Variants in SPTBN4 observed in about 807,000 individuals in gnomAD.
SPTBN4 encodes spectrin beta, non-erythrocytic 4, also known as spectrin beta chain, non-erythrocytic 4.
In SPTBN4, 96 loss-of-function variants were observed where a neutral mutation model predicts 277.8. That is an observed-to-expected ratio of 0.35 (90% CI 0.29 to 0.41). The LOEUF (loss-of-function observed/expected upper bound fraction) is 0.41, where lower values mean the gene tolerates loss of function less well. Among genes scored for constraint, SPTBN4 ranks in the 10% least tolerant of loss-of-function variants. The pLI is 1.00. For synonymous variants in SPTBN4, 1,481 were observed against 1,580.3 expected (o/e 0.94, Z 1.49); for missense variants, 3,006 against 3,595.7 (o/e 0.84, Z 4.19).
chr19:40,473,990 A>AT (rs987325965), intron 2 of SPTBN4, among the ~76,000 whole-genome samples: 10 of 146,568 alleles, frequency 6.8e-5, no homozygotes, highest in Non-Finnish European at 1.4e-4. Context: ...AAAAATAAAA[A>AT]TAAAAAAAAA....
chr19:40,525,142 A>T (rs2080575383), intron 17 of SPTBN4, among the ~76,000 whole-genome samples: 1 of 151,930 alleles, frequency 6.6e-6, no homozygotes, highest in Admixed American at 6.6e-5. Context: ...TGCCACCCCC[A>T]GCCCCAGGAC....
chr19:40,504,044 C>A lies in SPTBN4; in HGVS notation c.1577C>A (p.Ala526Asp), dbSNP rs149945999. 1.9e-6 allele frequency: 3 copies of A among 1,612,934 alleles called. No homozygotes were observed. The South Asian group carries it at 3.3e-5, about 18-fold the overall frequency. Residue 526 changes from alanine (A) to aspartate (D), a missense_variant, in exon 12 of 36, where the codon GCC becomes GAC. Around this residue, in one of 5 missense-constraint regions of SPTBN4, gnomAD observed 1,759 missense variants for 2,061.5 expected, o/e 0.85. Transcript: ENST00000598249. ...QWALLTGLVG[A>D]RRTRLEQNLA... Reference sequence around the variant, plus strand: ...GCCCTGCTAACTGGGCTTGTGGGTGCCCGGCGGACACGACTTGAGCAGAAC... The same window carrying A: ...GCCCTGCTAACTGGGCTTGTGGGTGACCGGCGGACACGACTTGAGCAGAAC...
rs201267545 is a variant in SPTBN4, at chr19:40,502,516, G to A, written c.1203+9G>A. The A allele has an allele frequency of 3.9e-5, 63 of 1,605,176 alleles. No homozygotes were observed. Among genetic ancestry groups the A allele is most frequent in the Non-Finnish European group, 4.7e-5 (55 of 1,176,212 alleles). ...TCTGGGATATTGACAAGGTGAGGCCGGGGATGCAGGGGAGAGGCGGGGTTG... is the reference window on the plus strand; with the variant it reads ...TCTGGGATATTGACAAGGTGAGGCCAGGGATGCAGGGGAGAGGCGGGGTTG... On this transcript the variant is annotated intron_variant, in intron 10 of 35. Transcript: ENST00000598249. This position sits in a 1 kb window ranked among gnomAD's most constrained non-coding sequence, Gnocchi z 4.9.
intron 7 of SPTBN4, among the ~76,000 whole-genome samples, chr19:40,499,862 C>T (rs192270417): frequency 3.9e-5 from 6 of 151,948 alleles, no homozygotes; most frequent in Non-Finnish European, 7.4e-5. Context: ...GTGCCTGGTA[C>T]GTAGTAGGTG....
chr19:40,549,059 GA>G, intron 20 of SPTBN4, 129 bp from the exon 21 acceptor site: 1 of 693,756 alleles, frequency 1.4e-6, no homozygotes, highest in African/African-American at 1.9e-5. Context: ...TCCTGGAGGG[GA>G]CTGAACAAGG....
At chr19:40,467,628 G>T (rs556058465) in intron 1 of SPTBN4, among the ~76,000 whole-genome samples, 6 of 151,924 alleles carry the variant, frequency 3.9e-5, no homozygotes, top group Admixed American at 2.0e-4. Context: ...CTTTGCGGGG[G>T]GGGGGGGGTG....
intron 11 of SPTBN4, 134 bp from the exon 12 acceptor site, chr19:40,503,696 G>A: frequency 4.1e-6 from 4 of 967,068 alleles, no homozygotes; most frequent in Non-Finnish European, 5.9e-6. Context: ...GATGAGGCTG[G>A]TCTCCAGGAT....
rs569736148 is a variant in SPTBN4, at chr19:40,502,604, G to T, written c.1203+97G>T. 10 of 1,429,222 alleles carry T rather than the reference G, an allele frequency of 7.0e-6. No individual in the cohort carries two copies. Among genetic ancestry groups the T allele is most frequent in the Non-Finnish European group, 9.5e-6 (10 of 1,054,030 alleles). 88.5% of individuals were successfully genotyped at this position (1,429,222 alleles called of 1,614,324 possible). ...AATCATTCACATTGTAGACATGATG[G>T]ATTAGATATTCATTCTGACAGTTTT... On this transcript the variant is annotated intron_variant, in intron 10 of 35. Coordinates refer to ENST00000598249, the MANE Select transcript of SPTBN4 (RefSeq NM_020971.3). The surrounding 1 kb of genome is among the most constrained non-coding windows in gnomAD (Gnocchi z 4.9).
At chr19:40,528,559 C>G (rs1230572808) in intron 17 of SPTBN4, among the ~76,000 whole-genome samples, 1 of 152,168 alleles carries the variant, frequency 6.6e-6, no homozygotes. Context: ...CCGGACTCCT[C>G]CTGTCACTTT....
intron 13 of SPTBN4, among the ~76,000 whole-genome samples, chr19:40,510,959 G>A (rs1277252051): frequency 8.5e-5 from 13 of 152,184 alleles, no homozygotes; most frequent in Non-Finnish European, 1.6e-4. Flanking sequence ...GGAGGCTGCA[G>A]TGAGCCATGA....
chr19:40,512,809 G>A lies in SPTBN4; in HGVS notation c.2020G>A (p.Gly674Ser). ...ERLLEAAGGG[G>S]AAGAAGAAGT... ...TCTCCTGGAGGCTGCGGGCGGCGGC[G>A]GTGCGGCGGGCGCAGCGGGCGCAGC... is the stretch of plus-strand genomic sequence containing the variant. The change falls in exon 14 of 36, where the codon GGT (glycine) becomes AGT (serine). Residue 674 changes from glycine to serine, a missense_variant. Physicochemically the swap from Gly to Ser is moderately conservative, Grantham distance 56 (BLOSUM62 0). Coordinates refer to ENST00000598249, the MANE Select transcript of SPTBN4 (RefSeq NM_020971.3). 1.4e-6 allele frequency: 2 copies of A among 1,453,044 alleles called. No homozygotes were observed. The highest frequency in any genetic ancestry group is 1.5e-5 in the African/African-American group (1 of 67,044). The allele number at this position is 1,453,044 out of a possible 1,614,324, so 90.0% of individuals were successfully genotyped here. A position where few individuals can be genotyped will look rare whatever the true frequency, so the allele number is the denominator to read the frequency against.
At chr19:40,574,139 C>T (rs1181091240) in intron 35 of SPTBN4, among the ~76,000 whole-genome samples, 1 of 151,442 alleles carries the variant, frequency 6.6e-6, no homozygotes, top group Non-Finnish European at 1.5e-5. Flanking sequence ...CAAAACAAAA[C>T]AAAACAAAAA....
At position 40,519,490 on chromosome 19, in the gene SPTBN4, A is replaced by G. The variant is rs780066183; in HGVS notation, c.2993A>G (p.Glu998Gly). 2 of 1,608,986 alleles carry G rather than the reference A, an allele frequency of 1.2e-6. No individual in the cohort carries two copies. Among genetic ancestry groups the G allele is most frequent in the Non-Finnish European group, 1.7e-6 (2 of 1,178,492 alleles). Residue 998 changes from glutamate to glycine, a missense_variant, in exon 16 of 36, where the codon GAG becomes GGG. Glu to Gly is a moderately conservative substitution (Grantham distance 98). Transcript: ENST00000598249. The surrounding 1 kb of genome is among the most constrained non-coding windows in gnomAD (Gnocchi z 5.7). ...LVENHVLEVA[E>G]VRAQVREKRR... is the part of the protein sequence containing the mutation. ...GAGAACCACGTGCTGGAGGTGGCCG[A>G]GGTGCGCGCCCAGGTGCGTGAGAAG...
chr19:40,563,921 C>T (rs1028035327), intron 27 of SPTBN4, among the ~76,000 whole-genome samples: 1 of 151,718 alleles, frequency 6.6e-6, no homozygotes, highest in Non-Finnish European at 1.5e-5. Flanking sequence ...GTGGCGGGCA[C>T]CTGTAATCCC....
intron 16 of SPTBN4, 144 bp downstream of exon 16, chr19:40,520,295 G>A (rs935526554): frequency 1.7e-5 from 15 of 884,998 alleles, no homozygotes; most frequent in African/African-American, 3.5e-5. Flanking sequence ...GAGAGTATCC[G>A]GAATGGATAA....
At chr19:40,514,333 A>G (rs923399133) in intron 14 of SPTBN4, among the ~76,000 whole-genome samples, 27 of 152,218 alleles carry the variant, frequency 1.8e-4, no homozygotes, top group Admixed American at 1.2e-3. Context: ...GACCATGTCT[A>G]GCTTAAAGTA....
chr19:40,482,334 G>A (rs894143236), intron 2 of SPTBN4, among the ~76,000 whole-genome samples: 7 of 152,232 alleles, frequency 4.6e-5, no homozygotes, highest in African/African-American at 1.4e-4. Context: ...GCCTCCCAAA[G>A]TGCTGGGATA....
At position 40,524,012 on chromosome 19, in the gene SPTBN4, A is replaced by AG. The variant is rs950238876; in HGVS notation, c.3857+374dup. The stretch of plus-strand genomic sequence containing the variant: ...GAGACACGGTTTCACCATGTTGGCC[A>AG]GACTGGTCTTGAACTCTTGACCACC... On this transcript the variant is annotated intron_variant, in intron 17 of 35. Transcript: ENST00000598249. 8.1e-4 allele frequency among the ~76,000 whole-genome samples: 123 copies of AG among 152,246 alleles called. 1 individual carries two copies. Among genetic ancestry groups the AG allele is most frequent in the African/African-American group, 2.8e-3 (115 of 41,540 alleles).
At chr19:40,566,714 C>T (rs1349079899) in intron 30 of SPTBN4, among the ~76,000 whole-genome samples, 1 of 152,124 alleles carries the variant, frequency 6.6e-6, no homozygotes, top group African/African-American at 2.4e-5. Flanking sequence ...CCTGTAGTCC[C>T]AGCATTTTGG....
Sources: allele counts gnomAD v4.1 joint callset (sites outside exome capture counted in the v4.1 genomes callset), GRCh38; gene constraint gnomAD v4.1.1; regional missense constraint gnomAD v4.1.1; non-coding constraint Gnocchi (gnomAD v3.1); transcripts MANE v1.5; gene names NCBI Gene and HGNC (gene_info 2026-07-23, HGNC 2026-07-21).